The following EBF1 variants were observed in gnomAD, a reference collection of about 807,000 sequenced individuals.
EBF1 encodes the protein transcription factor COE1.
A neutral mutation model predicts 68.4 loss-of-function variants in EBF1; 10 were observed. The ratio of observed to expected loss-of-function variants is 0.15; its 90% CI spans 0.09 to 0.25. EBF1 has a LOEUF of 0.25. Ranked by LOEUF, EBF1 falls within the 10% of genes least tolerant of loss-of-function variation. The pLI, the probability that EBF1 is intolerant of heterozygous loss-of-function variation, is 1.00. For missense variants in EBF1, 509 were observed against 794.4 expected (o/e 0.64, Z 4.32); for synonymous variants, 298 against 299.8 (o/e 0.99, Z 0.06).
intron 6 of EBF1, among the ~76,000 whole-genome samples, chr5:158,852,626 A>G (rs1793176900): frequency 6.6e-6 from 1 of 152,230 alleles, no homozygotes; most frequent in African/African-American, 2.4e-5. Flanking sequence ...TCTATATTAT[A>G]GACGATCCAA....
chr5:158,962,517 G>T (rs1248094605), intron 6 of EBF1, among the ~76,000 whole-genome samples: 1 of 152,158 alleles, frequency 6.6e-6, no homozygotes, highest in Non-Finnish European at 1.5e-5. Context: ...CTAGAATCAT[G>T]AAGTTTCTCA....
At chr5:158,863,534 C>T (rs1246940812) in intron 6 of EBF1, among the ~76,000 whole-genome samples, 2 of 152,054 alleles carry the variant, frequency 1.3e-5, no homozygotes, top group East Asian at 1.9e-4. Context: ...ATGCTACCTA[C>T]GATTAAGAAA....
intron 6 of EBF1, among the ~76,000 whole-genome samples, chr5:159,011,948 T>C (rs899965615): frequency 1.3e-5 from 2 of 152,254 alleles, no homozygotes; most frequent in African/African-American, 4.8e-5. Context: ...TGCATCACTC[T>C]AACCAAGAGA....
At chr5:158,874,372 C>G (rs1298108350) in intron 6 of EBF1, among the ~76,000 whole-genome samples, 1 of 152,076 alleles carries the variant, frequency 6.6e-6, no homozygotes, top group Non-Finnish European at 1.5e-5. Context: ...GAAGAAAGAT[C>G]AAGTTGGCAG....
intron 7 of EBF1, among the ~76,000 whole-genome samples, chr5:158,837,853 G>A (rs535177364): frequency 6.6e-6 from 1 of 152,112 alleles, no homozygotes; most frequent in African/African-American, 2.4e-5. Context: ...CATTAGACAT[G>A]TTTATTAGAC....
intron 6 of EBF1, among the ~76,000 whole-genome samples, chr5:158,964,744 G>A (rs1187739666): frequency 6.6e-6 from 1 of 152,172 alleles, no homozygotes; most frequent in Non-Finnish European, 1.5e-5. Context: ...AACAGGTAGA[G>A]GCCCACGTAT....
At chr5:158,895,386 G>T (rs1421201207) in intron 6 of EBF1, among the ~76,000 whole-genome samples, 1 of 152,138 alleles carries the variant, frequency 6.6e-6, no homozygotes, top group African/African-American at 2.4e-5. Context: ...GATAATATTT[G>T]TTTGGCTATT....
chr5:158,767,397 C>T (rs1039361215), intron 10 of EBF1, among the ~76,000 whole-genome samples: 9 of 152,148 alleles, frequency 5.9e-5, no homozygotes, highest in African/African-American at 1.7e-4. Flanking sequence ...CTCCCATCAC[C>T]AACAACTGCA....
At chr5:158,873,591 A>C (rs1797275315) in intron 6 of EBF1, among the ~76,000 whole-genome samples, 2 of 152,236 alleles carry the variant, frequency 1.3e-5, no homozygotes, top group South Asian at 4.1e-4. Flanking sequence ...AGATAAAAGA[A>C]AGCAACATAA....
In EBF1 at chr5:159,028,240, T is replaced by A. The variant is rs375038665; in HGVS notation, c.554+45156A>T. ...AGTGGCATCATGGCAATAGGAGGAC[T>A]TGGGGTAAGGATAGAGGAGAGAGGA... On this transcript the variant is annotated intron_variant, in intron 6 of 15. Transcript: ENST00000313708. 1.7e-4 allele frequency among the ~76,000 whole-genome samples: 26 copies of A among 152,276 alleles called. No individual in the cohort carries two copies. The East Asian group carries it at 4.4e-3, about 26-fold the overall frequency.
chr5:158,831,102 T>C (rs1354350886), intron 7 of EBF1, among the ~76,000 whole-genome samples: 1 of 152,200 alleles, frequency 6.6e-6, no homozygotes, highest in Non-Finnish European at 1.5e-5. Context: ...TGGATCAGGA[T>C]ACTTTTGACT....
chr5:158,734,713 G>A (rs1055521677), intron 10 of EBF1, among the ~76,000 whole-genome samples: 2 of 152,012 alleles, frequency 1.3e-5, no homozygotes, highest in Admixed American at 6.6e-5. Context: ...GGACAATTCC[G>A]AGAATCTGGT....
intron 6 of EBF1, among the ~76,000 whole-genome samples, chr5:159,054,844 G>T (rs901498053): frequency 2.0e-5 from 3 of 152,116 alleles, no homozygotes; most frequent in Non-Finnish European, 2.9e-5. Flanking sequence ...AACCTTTTGG[G>T]GTTACTATCT....
At chr5:158,973,238 T>C (rs1382579725) in intron 6 of EBF1, among the ~76,000 whole-genome samples, 3 of 152,182 alleles carry the variant, frequency 2.0e-5, no homozygotes, top group African/African-American at 7.2e-5. Flanking sequence ...CAGTAAATAC[T>C]TGTTGAAAGA....
chr5:159,054,934 C>T (rs1319542846), intron 6 of EBF1, among the ~76,000 whole-genome samples: 1 of 152,206 alleles, frequency 6.6e-6, no homozygotes, highest in African/African-American at 2.4e-5. Context: ...CCTTCCCCAT[C>T]TTGCCCAAGT....
At chr5:159,054,624 G>A (rs181553870) in intron 6 of EBF1, among the ~76,000 whole-genome samples, 178 of 152,308 alleles carry the variant, frequency 1.2e-3, no homozygotes, top group African/African-American at 4.2e-3. Context: ...AAGATGCTCA[G>A]CATTATTTGC....
At chr5:158,775,971 T>G (rs1775153063) in intron 10 of EBF1, among the ~76,000 whole-genome samples, 1 of 152,166 alleles carries the variant, frequency 6.6e-6, no homozygotes, top group African/African-American at 2.4e-5. Context: ...CCTACTTCTA[T>G]AAAGCATCAT....
intron 10 of EBF1, among the ~76,000 whole-genome samples, chr5:158,742,028 G>C (rs1212367623): frequency 1.3e-5 from 2 of 152,170 alleles, no homozygotes; most frequent in African/African-American, 4.8e-5. Flanking sequence ...AATGAAAGTA[G>C]GGGCTGGGAT....
At chr5:158,980,139 AC>A (rs1048149585) in intron 6 of EBF1, among the ~76,000 whole-genome samples, 1 of 152,138 alleles carries the variant, frequency 6.6e-6, no homozygotes, top group African/African-American at 2.4e-5. Flanking sequence ...AAATGACTAG[AC>A]CCCATTTCCT....
Sources: allele counts gnomAD v4.1 joint callset (sites outside exome capture counted in the v4.1 genomes callset), GRCh38; gene constraint gnomAD v4.1.1; transcripts MANE v1.5; gene names NCBI Gene and HGNC (gene_info 2026-07-23, HGNC 2026-07-21).